The following ARHGAP6 variants were observed in gnomAD, a reference collection of about 807,000 sequenced individuals.
ARHGAP6 encodes the protein Rho GTPase activating protein 6.
In ARHGAP6, 16 loss-of-function variants were observed where a neutral mutation model predicts 55.7. The observed-to-expected ratio is 0.29, with a 90% CI of 0.19 to 0.44. The LOEUF is 0.44. Ranked by LOEUF, ARHGAP6 falls within the 20% of genes least tolerant of loss-of-function variation. The probability of loss-of-function intolerance (pLI) is 1.00; values close to 1 mark genes in which losing one functional copy is unlikely to be tolerated. For missense variants in ARHGAP6, 698 were observed against 808.9 expected (o/e 0.86, Z 1.66); for synonymous variants, 382 against 360.9 (o/e 1.06, Z -0.66).
intron 1 of ARHGAP6, among the ~76,000 whole-genome samples, chrX:11,515,688 C>T (rs988430595): frequency 4.5e-5 from 5 of 111,882 alleles, no homozygotes; most frequent in Admixed American, 3.8e-4. Flanking sequence ...GTGTCATTGT[C>T]GTGGGCACAA....
At chrX:11,592,675 G>T (rs779144889) in intron 1 of ARHGAP6, among the ~76,000 whole-genome samples, 48 of 111,578 alleles carry the variant, frequency 4.3e-4, no homozygotes, top group African/African-American at 1.5e-3. Flanking sequence ...TAATAATAAA[G>T]GTTGGACACT....
intron 2 of ARHGAP6, among the ~76,000 whole-genome samples, chrX:11,239,576 G>T (rs1209424845): frequency 9.0e-6 from 1 of 111,693 alleles, no homozygotes; most frequent in Non-Finnish European, 1.9e-5. Flanking sequence ...GACCAGATTT[G>T]TTTTTATGGG....
At chrX:11,383,186 T>C (rs1302109141) in intron 1 of ARHGAP6, among the ~76,000 whole-genome samples, 11 of 111,444 alleles carry the variant, frequency 9.9e-5, no homozygotes, top group African/African-American at 3.6e-4. Flanking sequence ...ATGAAGGAGT[T>C]CTGAAGAACC....
intron 2 of ARHGAP6, among the ~76,000 whole-genome samples, chrX:11,246,467 A>G (rs1189887545): frequency 5.4e-5 from 6 of 111,519 alleles, no homozygotes; most frequent in Non-Finnish European, 1.1e-4. Flanking sequence ...AGTGAGAGAA[A>G]GAGCTTAATT....
chrX:11,274,397 C>T (rs985824890), intron 1 of ARHGAP6, among the ~76,000 whole-genome samples: 13 of 111,049 alleles, frequency 1.2e-4, no homozygotes, highest in African/African-American at 3.6e-4. Context: ...GCTGCTTTTC[C>T]GATACAACAG....
intron 1 of ARHGAP6, among the ~76,000 whole-genome samples, chrX:11,596,053 C>T (rs770025884): frequency 8.9e-6 from 1 of 111,786 alleles, no homozygotes; most frequent in Non-Finnish European, 1.9e-5. Context: ...ACCATTTCAC[C>T]GAGCAATCCC....
intron 9 of ARHGAP6, among the ~76,000 whole-genome samples, chrX:11,161,190 A>ATCTT: frequency 8.9e-6 from 1 of 112,272 alleles, no homozygotes; most frequent in Admixed American, 9.5e-5. Context: ...AATTCTTCTA[A>ATCTT]TCTTTGGCTA....
intron 1 of ARHGAP6, among the ~76,000 whole-genome samples, chrX:11,363,389 A>G (rs2049035998): frequency 8.9e-6 from 1 of 112,408 alleles, no homozygotes; most frequent in South Asian, 3.7e-4. Context: ...CATGCTGAGT[A>G]ACTGGATGCT....
chrX:11,157,209 AC>A (rs1326575962), intron 9 of ARHGAP6, among the ~76,000 whole-genome samples: 4 of 112,355 alleles, frequency 3.6e-5, no homozygotes, highest in Non-Finnish European at 5.6e-5. Flanking sequence ...AATGGGGATA[AC>A]AACAGTACTC....
intron 1 of ARHGAP6, among the ~76,000 whole-genome samples, chrX:11,437,235 T>G (rs1277900452): frequency 2.7e-5 from 3 of 112,176 alleles, no homozygotes; most frequent in African/African-American, 9.7e-5. Flanking sequence ...CTGCACTATG[T>G]GGGCAGTCTC....
chrX:11,539,906 C>T (rs927912303), intron 1 of ARHGAP6, among the ~76,000 whole-genome samples: 2 of 111,114 alleles, frequency 1.8e-5, no homozygotes, highest in African/African-American at 6.6e-5. Context: ...GATTAATAAG[C>T]CCCTAATCTC....
At chrX:11,300,587 T>G (rs1352063330) in intron 1 of ARHGAP6, 1 of 1,179,312 alleles carries the variant, frequency 8.5e-7, no homozygotes, top group African/African-American at 1.8e-5. Context: ...TTTTAACTGT[T>G]CTTTTGCAAT....
At chrX:11,261,130 AAC>A (rs2047555661) in intron 1 of ARHGAP6, among the ~76,000 whole-genome samples, 1 of 112,250 alleles carries the variant, frequency 8.9e-6, no homozygotes, top group Non-Finnish European at 1.9e-5. Flanking sequence ...ATATGTGGGA[AAC>A]TGTATTCTGG....
chrX:11,277,711 A>T (rs201000247), intron 1 of ARHGAP6, among the ~76,000 whole-genome samples: 7,455 of 90,368 alleles, frequency 0.082, 426 homozygotes, highest in African/African-American at 0.21. Context: ...TTTTTTTTTT[A>T]AAAAAAAATT....
intron 12 of ARHGAP6, among the ~76,000 whole-genome samples, chrX:11,140,907 C>G (rs1353790055): frequency 9.0e-6 from 1 of 111,724 alleles, no homozygotes; most frequent in South Asian, 3.7e-4. Context: ...AAAAAGCAGA[C>G]AAGGAACAAG....
intron 1 of ARHGAP6, among the ~76,000 whole-genome samples, chrX:11,292,805 C>T (rs1376534120): frequency 3.6e-5 from 4 of 112,106 alleles, no homozygotes; most frequent in Non-Finnish European, 5.6e-5. Context: ...AGCATGGGGC[C>T]GAGAAGGGGC....
At chrX:11,174,991 C>T (rs991222901) in intron 8 of ARHGAP6, among the ~76,000 whole-genome samples, 8 of 109,812 alleles carry the variant, frequency 7.3e-5, no homozygotes, top group African/African-American at 2.7e-4. Flanking sequence ...GCGCCTGGCC[C>T]GCCAAGGCCA....
At chrX:11,265,794 A>T in intron 1 of ARHGAP6, 1 of 928,986 alleles carries the variant, frequency 1.1e-6, no homozygotes, top group Non-Finnish European at 1.3e-6. Context: ...TTGGTAAAAA[A>T]TGCATCCTGA....
At chrX:11,278,778 G>A (rs993877383) in intron 1 of ARHGAP6, among the ~76,000 whole-genome samples, 2 of 111,502 alleles carry the variant, frequency 1.8e-5, no homozygotes, top group Admixed American at 1.9e-4. Flanking sequence ...GAGAAGTCCT[G>A]CAGAGGGGAA....
Sources: allele counts gnomAD v4.1 joint callset (sites outside exome capture counted in the v4.1 genomes callset), GRCh38; gene constraint gnomAD v4.1.1; transcripts MANE v1.5; gene names NCBI Gene and HGNC (gene_info 2026-07-23, HGNC 2026-07-21).